The following FRMD4A variants were observed in gnomAD, a reference collection of about 807,000 sequenced individuals.
The protein encoded by FRMD4A is FERM domain-containing protein 4A.
A neutral mutation model predicts 129.1 loss-of-function variants in FRMD4A; 29 were observed. The ratio of observed to expected loss-of-function variants is 0.22; its 90% CI spans 0.17 to 0.31. The LOEUF (loss-of-function observed/expected upper bound fraction) is 0.31. Ranked by LOEUF, FRMD4A falls within the 10% of genes least tolerant of loss-of-function variation. The probability of loss-of-function intolerance (pLI) is 1.00; values close to 1 mark genes in which losing one functional copy is unlikely to be tolerated. For synonymous variants in FRMD4A, 634 were observed against 571.6 expected (o/e 1.11, Z -1.56); for missense variants, 1,272 against 1,375.8 (o/e 0.92, Z 1.19).
At chr10:14,012,017 G>GAA (rs112386377) in intron 2 of FRMD4A, among the ~76,000 whole-genome samples, 4 of 107,700 alleles carry the variant, frequency 3.7e-5, no homozygotes. Context: ...TGTCTCAAAG[G>GAA]AAAAAAAAAA....
At chr10:14,293,551 C>T (rs1246652001) in intron 2 of FRMD4A, among the ~76,000 whole-genome samples, 1 of 151,848 alleles carries the variant, frequency 6.6e-6, no homozygotes, top group Non-Finnish European at 1.5e-5. Context: ...CAAAAATCAC[C>T]TAACACTTAG....
chr10:13,715,905 C>CAA lies in FRMD4A; in HGVS notation c.760-8794_760-8793dup, dbSNP rs61600242. Reference sequence around the variant, plus strand: ...GGGTGACAGAGTGAGACTCCCCCCTCAAAAAAAAAAAAAAAAAAAGAAATG... The same window carrying CAA: ...GGGTGACAGAGTGAGACTCCCCCCTCAAAAAAAAAAAAAAAAAAAAAGAAATG... On this transcript the variant is annotated intron_variant, in intron 12 of 24. Coordinates refer to ENST00000357447, the MANE Select transcript of FRMD4A (RefSeq NM_018027.5). Among the ~76,000 whole-genome samples the CAA allele has an allele frequency of 3.2e-3, 396 of 125,420 alleles. 2 individuals are homozygous for CAA. Among genetic ancestry groups the CAA allele is most frequent in the African/African-American group, 8.4e-3 (278 of 33,098 alleles). 82.3% of individuals were successfully genotyped at this position (125,420 alleles called of 152,430 possible).
intron 2 of FRMD4A, among the ~76,000 whole-genome samples, chr10:14,187,597 T>C (rs953175026): frequency 1.3e-5 from 2 of 152,084 alleles, no homozygotes; most frequent in African/African-American, 2.4e-5. Flanking sequence ...GAGGGCAACA[T>C]AGTGAGACCC....
intron 2 of FRMD4A, among the ~76,000 whole-genome samples, chr10:13,893,858 T>C (rs1193245977): frequency 1.3e-5 from 2 of 151,662 alleles, no homozygotes; most frequent in African/African-American, 2.4e-5. Context: ...CTTAGAGGAG[T>C]TGTTGAATTT....
intron 2 of FRMD4A, chr10:13,971,962 C>A: frequency 8.3e-7 from 1 of 1,203,000 alleles, no homozygotes; most frequent in East Asian, 5.8e-5. Flanking sequence ...CCCCTACCTA[C>A]CCTCACCACC....
At chr10:13,774,126 A>G (rs1045745186) in intron 6 of FRMD4A, among the ~76,000 whole-genome samples, 2 of 152,160 alleles carry the variant, frequency 1.3e-5, no homozygotes, top group African/African-American at 4.8e-5. Flanking sequence ...TAGGAATCCT[A>G]TTCCACACTT....
intron 2 of FRMD4A, among the ~76,000 whole-genome samples, chr10:14,070,874 G>T (rs1318955620): frequency 6.6e-6 from 1 of 152,154 alleles, no homozygotes. Context: ...ACTTGTTTTT[G>T]ACAGATTCAA....
intron 2 of FRMD4A, among the ~76,000 whole-genome samples, chr10:13,956,511 A>T (rs964154885): frequency 3.3e-5 from 5 of 152,186 alleles, no homozygotes; most frequent in African/African-American, 1.2e-4. Flanking sequence ...CAGAAGACAA[A>T]ACTGAGGCTC....
chr10:14,057,930 T>C (rs563780396), intron 2 of FRMD4A, among the ~76,000 whole-genome samples: 2 of 152,374 alleles, frequency 1.3e-5, no homozygotes, highest in Admixed American at 1.3e-4. Context: ...AGTTTGCGTG[T>C]CTGCGTCAGT....
intron 2 of FRMD4A, among the ~76,000 whole-genome samples, chr10:14,306,300 A>G (rs1442040211): frequency 6.6e-6 from 1 of 152,262 alleles, no homozygotes; most frequent in East Asian, 1.9e-4. Flanking sequence ...AGTCCAAAAT[A>G]GAAAAGAGGA....
Position 14,236,995 on chromosome 10 carries a change from C to CAAAAAAAAAA in FRMD4A, c.45+93053_45+93062dup, listed in dbSNP as rs71477244. 5.7e-4 allele frequency among the ~76,000 whole-genome samples: 43 copies of CAAAAAAAAAA among 75,388 alleles called. 2 individuals are homozygous for CAAAAAAAAAA. Among genetic ancestry groups the CAAAAAAAAAA allele is most frequent in the African/African-American group, 1.8e-3 (39 of 21,242 alleles). 49.5% of individuals were successfully genotyped at this position (75,388 alleles called of 152,430 possible). On this transcript the variant is annotated intron_variant, in intron 2 of 24. Transcript: ENST00000357447. ...CTGAGAAGGAACTCCAACAGGTCAGCAAAAAAAAAAAAAAAAAAAAAAAAA... is the reference window on the plus strand; with the variant it reads ...CTGAGAAGGAACTCCAACAGGTCAGCAAAAAAAAAAAAAAAAAAAAAAAAAAAAAAAAAAA...
intron 2 of FRMD4A, among the ~76,000 whole-genome samples, chr10:14,269,920 G>T (rs1475758051): frequency 6.6e-6 from 1 of 152,210 alleles, no homozygotes; most frequent in Non-Finnish European, 1.5e-5. Flanking sequence ...TGTTTGAGCT[G>T]CCCCAGGGGT....
chr10:13,809,222 A>T (rs940032833), intron 4 of FRMD4A, among the ~76,000 whole-genome samples: 9 of 152,040 alleles, frequency 5.9e-5, no homozygotes, highest in African/African-American at 2.2e-4. Context: ...TGTTCTGCAG[A>T]CTCACATCAT....
At chr10:13,856,522 A>T (rs974428373) in intron 3 of FRMD4A, among the ~76,000 whole-genome samples, 2 of 152,094 alleles carry the variant, frequency 1.3e-5, no homozygotes, top group African/African-American at 4.8e-5. Context: ...TAAGAAAGAA[A>T]CGCAGTACAG....
chr10:14,180,767 T>C (rs1418512092), intron 2 of FRMD4A, among the ~76,000 whole-genome samples: 1 of 152,260 alleles, frequency 6.6e-6, no homozygotes, highest in African/African-American at 2.4e-5. Context: ...GTTCTTCCAA[T>C]GCTGTCACAT....
intron 2 of FRMD4A, among the ~76,000 whole-genome samples, chr10:14,159,089 G>A (rs1193762543): frequency 1.3e-5 from 2 of 152,156 alleles, no homozygotes; most frequent in Admixed American, 6.6e-5. Context: ...GGAGCAGCCC[G>A]AGGAGGATTA....
intron 2 of FRMD4A, among the ~76,000 whole-genome samples, chr10:13,953,886 T>C (rs767495158): frequency 6.6e-6 from 1 of 152,194 alleles, no homozygotes; most frequent in African/African-American, 2.4e-5. Context: ...CAACTGCATA[T>C]TGTCATAACT....
chr10:14,106,413 T>A (rs1327003), intron 2 of FRMD4A, among the ~76,000 whole-genome samples: 2 of 151,926 alleles, frequency 1.3e-5, no homozygotes. Context: ...CCATCACTGG[T>A]GAGTGAGGAA....
chr10:13,913,262 A>G (rs73586631), intron 2 of FRMD4A, among the ~76,000 whole-genome samples: 22 of 152,194 alleles, frequency 1.4e-4, no homozygotes, highest in African/African-American at 4.8e-4. Flanking sequence ...GTAAATCAGT[A>G]TTTTCCTAGG....
Sources: gnomAD v4.1 joint callset for allele counts (sites outside exome capture counted in the v4.1 genomes callset) on GRCh38, gnomAD v4.1.1 for gene constraint, MANE v1.5 for transcripts, NCBI Gene and HGNC (gene_info 2026-07-23, HGNC 2026-07-21) for gene names.